BRINP3: variants seen among roughly 807,000 people sequenced by gnomAD.
BRINP3 encodes the protein BMP/retinoic acid inducible neural specific 3.
A neutral mutation model predicts 71.0 loss-of-function variants in BRINP3; 19 were observed. That is an observed-to-expected ratio of 0.27 (90% CI 0.19 to 0.39). BRINP3 has a LOEUF of 0.39. Among genes scored for constraint, BRINP3 ranks in the 10% least tolerant of loss-of-function variants. The probability of loss-of-function intolerance (pLI) is 1.00; values close to 1 mark genes in which losing one functional copy is unlikely to be tolerated. For synonymous variants in BRINP3, 380 were observed against 337.7 expected, an observed-to-expected ratio of 1.13 and a Z score of -1.37; for missense variants, 959 against 940.8, an observed-to-expected ratio of 1.02 and a Z score of -0.25.
intron 2 of BRINP3, among the ~76,000 whole-genome samples, chr1:190,394,406 A>G (rs192229969): frequency 6.6e-6 from 1 of 151,600 alleles, no homozygotes; most frequent in Non-Finnish European, 1.5e-5. Flanking sequence ...GGTTTCTTGC[A>G]CTGTTTTTCA....
At position 190,167,951 on chromosome 1, in the gene BRINP3, A is replaced by G. The variant is rs148248042; in HGVS notation, c.962-7061T>C. Among the ~76,000 whole-genome samples the G allele has an allele frequency of 8.2e-3, 1,255 of 152,270 alleles. 9 individuals are homozygous for G. The highest frequency in any genetic ancestry group is 0.014 in the Middle Eastern group (4 of 294). ...CCGAGTGCTGTATTGGCATTTGTCTATAGGATAGGGACATCAGAGTGAAAA... is the reference window on the plus strand; with the variant it reads ...CCGAGTGCTGTATTGGCATTTGTCTGTAGGATAGGGACATCAGAGTGAAAA... On this transcript the variant is annotated intron_variant, in intron 6 of 7. Transcript: ENST00000367462.
intron 2 of BRINP3, among the ~76,000 whole-genome samples, chr1:190,397,745 A>G (rs973935195): frequency 6.6e-6 from 1 of 151,962 alleles, no homozygotes; most frequent in Non-Finnish European, 1.5e-5. Context: ...ATGCATGTGA[A>G]TAATTAAATT....
chr1:190,332,340 T>A (rs1540514), intron 2 of BRINP3, among the ~76,000 whole-genome samples: 58,745 of 151,948 alleles, frequency 0.39, 12,640 homozygotes, highest in Non-Finnish European at 0.49. Flanking sequence ...TTGAGGGCTG[T>A]TGCCGAAGAA....
At chr1:190,337,731 T>C (rs998174321) in intron 2 of BRINP3, among the ~76,000 whole-genome samples, 1 of 152,074 alleles carries the variant, frequency 6.6e-6, no homozygotes, top group Non-Finnish European at 1.5e-5. Context: ...GGATTTCACC[T>C]TGTGATCACG....
In BRINP3 at chr1:190,298,449, C is replaced by T. The variant is rs1219551852; in HGVS notation, c.237-16699G>A. ...GGTTTGATTTTTTTTTTCTTTTCTA[C>T]ATGAAAGTTTTTTGTGCTATACATT... On this transcript the variant is annotated intron_variant, in intron 2 of 7. Coordinates refer to ENST00000367462, the MANE Select transcript of BRINP3 (RefSeq NM_199051.3). Among the ~76,000 whole-genome samples, 4 of 151,424 alleles carry T rather than the reference C, an allele frequency of 2.6e-5. No individual in the cohort carries two copies. The East Asian group carries it at 7.8e-4, about 29-fold the overall frequency.
chr1:190,298,779 G>C (rs1664446761), intron 2 of BRINP3, among the ~76,000 whole-genome samples: 1 of 151,954 alleles, frequency 6.6e-6, no homozygotes, highest in Non-Finnish European at 1.5e-5. Context: ...AAATGTCTGT[G>C]CATTTGGTTA....
At chr1:190,141,628 C>G (rs1273465680) in intron 7 of BRINP3, among the ~76,000 whole-genome samples, 1 of 123,826 alleles carries the variant, frequency 8.1e-6, no homozygotes, top group Non-Finnish European at 1.6e-5. Context: ...GTGGCACGAT[C>G]TCCGCTCACT....
rs1341896368 is a variant in BRINP3 at position 190,104,525 on chromosome 1, C to G, written c.1185-5391G>C. On this transcript the variant is annotated intron_variant, in intron 7 of 7. Transcript: ENST00000367462. ...ACTTTTTTTTTCTCAGAAGATGGAA[C>G]ATTTCGTTTTCTCTTCAACAATTCA... is the stretch of plus-strand genomic sequence containing the variant. Among the ~76,000 whole-genome samples, 10 of 151,874 alleles carry G rather than the reference C, an allele frequency of 6.6e-5. No homozygotes were observed. In the East Asian group the frequency reaches 1.7e-3, roughly 26 times the overall value.
chr1:190,293,972 T>C (rs986558765), intron 2 of BRINP3, among the ~76,000 whole-genome samples: 3 of 152,128 alleles, frequency 2.0e-5, no homozygotes, highest in Non-Finnish European at 2.9e-5. Context: ...TTGTTCTTTT[T>C]TAATTCATTC....
chr1:190,187,082 G>A (rs1009897296), intron 6 of BRINP3, among the ~76,000 whole-genome samples: 1 of 152,110 alleles, frequency 6.6e-6, no homozygotes, highest in Non-Finnish European at 1.5e-5. Context: ...AAACCCCTGG[G>A]TGAAGTACTA....
At chr1:190,152,598 T>TA (rs1209293149) in intron 7 of BRINP3, among the ~76,000 whole-genome samples, 1 of 123,948 alleles carries the variant, frequency 8.1e-6, no homozygotes, top group African/African-American at 3.1e-5. Flanking sequence ...ATCAGCTATC[T>TA]AAAAAAAGTG....
intron 2 of BRINP3, among the ~76,000 whole-genome samples, chr1:190,390,696 GA>G (rs1671196641): frequency 6.6e-6 from 1 of 151,740 alleles, no homozygotes; most frequent in Non-Finnish European, 1.5e-5. Flanking sequence ...TTTGGAAAGA[GA>G]AAACAATCAC....
chr1:190,204,307 A>G (rs1655297851), intron 6 of BRINP3, among the ~76,000 whole-genome samples: 1 of 151,982 alleles, frequency 6.6e-6, no homozygotes, highest in African/African-American at 2.4e-5. Flanking sequence ...TTAAGAAGAA[A>G]ATGGAACATA....
At chr1:190,108,574 T>C (rs1340032449) in intron 7 of BRINP3, among the ~76,000 whole-genome samples, 1 of 150,222 alleles carries the variant, frequency 6.7e-6, no homozygotes, top group African/African-American at 2.5e-5. Context: ...TCAGAATGTA[T>C]AAAATGACTG....
chr1:190,413,340 G>A (rs1349757391), intron 2 of BRINP3, among the ~76,000 whole-genome samples: 1 of 152,158 alleles, frequency 6.6e-6, no homozygotes, highest in Non-Finnish European at 1.5e-5. Context: ...TTAAAATGAT[G>A]ATGTCACCTA....
chr1:190,344,002 A>G (rs1014875165), intron 2 of BRINP3, among the ~76,000 whole-genome samples: 1 of 151,824 alleles, frequency 6.6e-6, no homozygotes, highest in Non-Finnish European at 1.5e-5. Flanking sequence ...TATCATGAGT[A>G]GACCTAGTGC....
At chr1:190,205,252 T>C (rs1655395980) in intron 6 of BRINP3, among the ~76,000 whole-genome samples, 1 of 151,812 alleles carries the variant, frequency 6.6e-6, no homozygotes, top group African/African-American at 2.4e-5. Flanking sequence ...TCATTAGATG[T>C]ATGCAACTTC....
At position 190,281,999 on chromosome 1, in the gene BRINP3, A is replaced by G. The variant is rs1663078597; in HGVS notation, c.237-249T>C. ...TTCCACTGAGATTTTTTTCCCCAAG[A>G]AAATATATTTTCATAAAAACGACTT... On this transcript the variant is annotated intron_variant, in intron 2 of 7. Transcript: ENST00000367462. 9.2e-5 allele frequency among the ~76,000 whole-genome samples: 14 copies of G among 152,064 alleles called. No individual in the cohort carries two copies. The South Asian group carries it at 2.9e-3, about 31-fold the overall frequency.
intron 2 of BRINP3, among the ~76,000 whole-genome samples, chr1:190,369,738 C>T (rs1388664562): frequency 6.6e-6 from 1 of 151,650 alleles, no homozygotes; most frequent in Non-Finnish European, 1.5e-5. Flanking sequence ...AATTTAAGTC[C>T]AGGACAAGTT....
Sources: gnomAD v4.1 joint callset for allele counts (sites outside exome capture counted in the v4.1 genomes callset) on GRCh38, gnomAD v4.1.1 for gene constraint, MANE v1.5 for transcripts, NCBI Gene and HGNC (gene_info 2026-07-23, HGNC 2026-07-21) for gene names.